The following MYLK variants were observed in gnomAD, a reference collection of about 807,000 sequenced individuals.
MYLK encodes myosin light chain kinase, smooth muscle.
MYLK carries 106 observed loss-of-function variants against 203.4 expected under a neutral mutation model. That is an observed-to-expected ratio of 0.52 (90% CI 0.45 to 0.61). The LOEUF (loss-of-function observed/expected upper bound fraction) is 0.61, where lower values mean the gene tolerates loss of function less well. Ranked by LOEUF, MYLK falls within the 20% of genes least tolerant of loss-of-function variation. MYLK has a pLI of 0.00. For missense variants in MYLK, 2,072 were observed against 2,442.3 expected (o/e 0.85, Z 3.20); for synonymous variants, 867 against 959.5 (o/e 0.90, Z 1.78).
At chr3:123,646,583 G>C (rs1324032950) in intron 27 of MYLK, among the ~76,000 whole-genome samples, 1 of 152,238 alleles carries the variant, frequency 6.6e-6, no homozygotes, top group Non-Finnish European at 1.5e-5. Context: ...GGTAAGGGAG[G>C]TGGAGGATTC....
intron 20 of MYLK, among the ~76,000 whole-genome samples, chr3:123,676,542 G>C (rs2060077587): frequency 6.6e-6 from 1 of 152,212 alleles, no homozygotes; most frequent in Non-Finnish European, 1.5e-5. Flanking sequence ...TTCCATTTTA[G>C]AGGCAGACAC....
intron 16 of MYLK, 152 bp downstream of exon 16, chr3:123,707,602 G>T: frequency 8.4e-7 from 1 of 1,184,954 alleles, no homozygotes; most frequent in Non-Finnish European, 1.3e-6. Flanking sequence ...AGAAGCAAAA[G>T]CTTGTGAGCA....
Position 123,640,511 on chromosome 3 carries a change from G to A in MYLK, c.4620-7C>T, listed in dbSNP as rs1303551978. ...CAGCTCCCCTCCTGACACGCTGCGG[G>A]AACACGTGCACGGGGTGGTCAGGCC... is the stretch of plus-strand genomic sequence containing the variant. On this transcript the variant is annotated splice_region_variant and splice_polypyrimidine_tract_variant and intron_variant, in intron 27 of 33. Coordinates refer to ENST00000360304, the MANE Select transcript of MYLK (RefSeq NM_053025.4). This position sits in a 1 kb window ranked among gnomAD's most constrained non-coding sequence, Gnocchi z 4.3. 5.0e-6 allele frequency: 8 copies of A among 1,613,746 alleles called. No homozygotes were observed. The highest frequency in any genetic ancestry group is 6.8e-6 in the Non-Finnish European group (8 of 1,180,018).
At chr3:123,692,218 A>T in intron 19 of MYLK, 1 of 694,584 alleles carries the variant, frequency 1.4e-6, no homozygotes, top group Non-Finnish European at 1.8e-6. Flanking sequence ...TATTATTACT[A>T]CTACCATTTT....
intron 18 of MYLK, among the ~76,000 whole-genome samples, chr3:123,695,366 C>G (rs951380929): frequency 2.0e-5 from 3 of 152,258 alleles, no homozygotes; most frequent in African/African-American, 7.2e-5. Context: ...CACCAGCTCT[C>G]AGAGGGCAGT....
At chr3:123,709,600 G>C (rs1576674876) in intron 14 of MYLK, 156 bp downstream of exon 14, 6 of 922,060 alleles carry the variant, frequency 6.5e-6, no homozygotes, top group Non-Finnish European at 1.0e-5. Flanking sequence ...GCAGAAAAGA[G>C]AGGACAAGAG....
Position 123,640,498 on chromosome 3 carries a change from T to C in MYLK, c.4626A>G (p.Ser1542=). Residue 1542 remains serine (S), a synonymous_variant, in exon 28 of 34, where the codon TCA becomes TCG. Transcript: ENST00000360304. The surrounding 1 kb of genome is among the most constrained non-coding windows in gnomAD (Gnocchi z 4.3). The stretch of plus-strand genomic sequence containing the variant: ...TGATGCGCTCAAACAGCTCCCCTCC[T>C]GACACGCTGCGGGAACACGTGCACG... The part of the protein sequence containing the change: ...ANIVMVLEIV[S]GGELFERIID... 2.5e-6 allele frequency: 4 copies of C among 1,613,962 alleles called. No individual in the cohort carries two copies. The highest frequency in any genetic ancestry group is 3.4e-6 in the Non-Finnish European group (4 of 1,180,022).
Position 123,629,617 on chromosome 3 carries a change from G to T in MYLK, c.4971C>A (p.Gly1657=). ...IGVICYILVS[G]LSPFMGDNDN... is the part of the protein sequence containing the mutation. ...CGTTGTCTCCCATGAAGGGGGAAAGGCCACTGACTCTGGAGAGACAAGAGC... is the reference window on the plus strand; with the variant it reads ...CGTTGTCTCCCATGAAGGGGGAAAGTCCACTGACTCTGGAGAGACAAGAGC... The change falls in exon 30 of 34, where the codon GGC becomes GGA. Residue 1657 remains glycine, a synonymous_variant. Coordinates refer to ENST00000360304, the MANE Select transcript of MYLK (RefSeq NM_053025.4). This position sits in a 1 kb window ranked among gnomAD's most constrained non-coding sequence, Gnocchi z 4.4. 4 of 1,613,834 alleles carry T rather than the reference G, an allele frequency of 2.5e-6. No individual in the cohort carries two copies. The highest frequency in any genetic ancestry group is 3.4e-6 in the Non-Finnish European group (4 of 1,180,034).
intron 11 of MYLK, 23 bp from the exon 12 acceptor site, chr3:123,726,101 A>G (rs775188724): frequency 1.2e-6 from 2 of 1,613,894 alleles, no homozygotes; most frequent in East Asian, 4.5e-5. Context: ...AGGACAGGTC[A>G]GCTCAGATCA....
At chr3:123,647,090 T>G (rs1348574929) in intron 27 of MYLK, 134 bp downstream of exon 27, 75 of 818,072 alleles carry the variant, frequency 9.2e-5, no homozygotes, top group Non-Finnish European at 4.1e-6. Flanking sequence ...GTATGGCTGG[T>G]GAGCATCTTA....
At chr3:123,672,010 T>C (rs1453152768) in intron 20 of MYLK, among the ~76,000 whole-genome samples, 1 of 152,238 alleles carries the variant, frequency 6.6e-6, no homozygotes, top group African/African-American at 2.4e-5. Flanking sequence ...GGAGGGCTGT[T>C]GTCATGGGCT....
chr3:123,732,097 G>C (rs2062500802), intron 11 of MYLK, among the ~76,000 whole-genome samples: 1 of 151,284 alleles, frequency 6.6e-6, no homozygotes, highest in Non-Finnish European at 1.5e-5. Flanking sequence ...CTACTCTTGT[G>C]GTATTTGTTA....
At chr3:123,743,450 T>C (rs1047806578) in intron 5 of MYLK, among the ~76,000 whole-genome samples, 1 of 151,734 alleles carries the variant, frequency 6.6e-6, no homozygotes, top group Admixed American at 6.6e-5. Flanking sequence ...ACAGGGTCTA[T>C]TTATAGGAAA....
intron 14 of MYLK, chr3:123,709,152 T>G: frequency 3.1e-6 from 1 of 327,680 alleles, no homozygotes; most frequent in Non-Finnish European, 5.6e-6. Context: ...TTTTTTTTTT[T>G]TTTTTGAGAC....
chr3:123,634,791 G>T (rs539085226), intron 29 of MYLK, among the ~76,000 whole-genome samples: 1 of 152,226 alleles, frequency 6.6e-6, no homozygotes, highest in Admixed American at 6.5e-5. Context: ...GAGACAGCAG[G>T]GGGAGGAGGG....
Position 123,734,102 on chromosome 3 carries a change from G to T in MYLK, c.894C>A (p.Ser298=), listed in dbSNP as rs1449992228. 1 of 1,606,830 alleles carries T rather than the reference G, an allele frequency of 6.2e-7. No individual in the cohort carries two copies. Among genetic ancestry groups the T allele is most frequent in the African/African-American group, 1.3e-5 (1 of 74,772 alleles). The change falls in exon 10 of 34, where the codon TCC becomes TCA. Residue 298 remains serine, a synonymous_variant. Transcript: ENST00000360304. ...LEAAAKSKNC[S]SPQRGGSPPW... ...GTGGGGAGCCACCTCTCTGGGGGCT[G>T]GAGCAGTTCTTGCTTTTGGCTGCAG...
At chr3:123,773,013 C>T (rs897939056) in intron 4 of MYLK, among the ~76,000 whole-genome samples, 20 of 152,098 alleles carry the variant, frequency 1.3e-4, no homozygotes, top group African/African-American at 4.8e-4. Flanking sequence ...TTCAATAATT[C>T]TATTTCTAAT....
chr3:123,872,455 C>T (rs1043940230), intron 2 of MYLK, among the ~76,000 whole-genome samples: 1 of 152,178 alleles, frequency 6.6e-6, no homozygotes, highest in Admixed American at 6.5e-5. Context: ...AGCTTAAGGG[C>T]TCAGTCCCCA....
At chr3:123,817,661 T>C (rs1397218026) in intron 3 of MYLK, among the ~76,000 whole-genome samples, 1 of 152,282 alleles carries the variant, frequency 6.6e-6, no homozygotes, top group East Asian at 1.9e-4. Flanking sequence ...GTGGGCCTCA[T>C]GTGTGCAACG....
Sources: allele counts gnomAD v4.1 joint callset (sites outside exome capture counted in the v4.1 genomes callset), GRCh38; gene constraint gnomAD v4.1.1; non-coding constraint Gnocchi (gnomAD v3.1); transcripts MANE v1.5; gene names NCBI Gene and HGNC (gene_info 2026-07-23, HGNC 2026-07-21).